The following GABRG3 variants were observed in gnomAD, a reference collection of about 807,000 sequenced individuals.
GABRG3 encodes the protein gamma-aminobutyric acid receptor subunit gamma-3.
In GABRG3, 25 loss-of-function variants were observed where a neutral mutation model predicts 48.8. That is an observed-to-expected ratio of 0.51 (90% confidence interval 0.37 to 0.72). The LOEUF is 0.72. Among genes scored for constraint, GABRG3 ranks in the 30% least tolerant of loss-of-function variants. GABRG3 has a pLI of 0.00. For synonymous variants in GABRG3, 227 were observed against 217.6 expected (o/e 1.04, Z -0.38); for missense variants, 394 against 577.9 (o/e 0.68, Z 3.26).
intron 3 of GABRG3, among the ~76,000 whole-genome samples, chr15:27,310,339 G>A (rs1164443097): frequency 6.6e-6 from 1 of 151,978 alleles, no homozygotes; most frequent in Non-Finnish European, 1.5e-5. Context: ...AAAAGTTAAT[G>A]TATGATATAA....
At chr15:27,184,709 T>A (rs1466427290) in intron 3 of GABRG3, among the ~76,000 whole-genome samples, 1 of 152,206 alleles carries the variant, frequency 6.6e-6, no homozygotes, top group Non-Finnish European at 1.5e-5. Context: ...ATGGATCCAA[T>A]TTATTTAATG....
rs183243807 is a variant in GABRG3 at position 27,401,326 on chromosome 15, T to A, written c.574+72438T>A. On this transcript the variant is annotated intron_variant, in intron 5 of 9. Transcript: ENST00000615808. ...TAATTACCATATGTATTTTATTTTA[T>A]TCCTTTAAAAACCAGGGTTCTATTG... 4.6e-3 allele frequency among the ~76,000 whole-genome samples: 701 copies of A among 152,336 alleles called. 14 individuals carry two copies. The highest frequency in any genetic ancestry group is 0.038 in the Admixed American group (575 of 15,294).
chr15:27,187,916 C>G (rs1374356245), intron 3 of GABRG3, among the ~76,000 whole-genome samples: 1 of 142,532 alleles, frequency 7.0e-6, no homozygotes, highest in Admixed American at 7.4e-5. Flanking sequence ...TGTGATGTTC[C>G]CCTTCCTGTG....
chr15:27,306,537 CATATA>C (rs1283432957), intron 3 of GABRG3, among the ~76,000 whole-genome samples: 23 of 127,158 alleles, frequency 1.8e-4, no homozygotes, highest in East Asian at 1.3e-3. Flanking sequence ...TAAACATAAA[CATATA>C]ATATAAACAT....
At chr15:27,307,066 T>G (rs1275667412) in intron 3 of GABRG3, among the ~76,000 whole-genome samples, 2 of 125,774 alleles carry the variant, frequency 1.6e-5, no homozygotes, top group African/African-American at 3.3e-5. Flanking sequence ...TAAACATGTA[T>G]AATATAAACA....
At chr15:27,201,065 T>G (rs1037036903) in intron 3 of GABRG3, among the ~76,000 whole-genome samples, 1 of 152,042 alleles carries the variant, frequency 6.6e-6, no homozygotes, top group African/African-American at 2.4e-5. Flanking sequence ...GGGAAAGAAA[T>G]AGAGCAGAAT....
At chr15:27,097,911 C>G (rs1213960391) in intron 3 of GABRG3, among the ~76,000 whole-genome samples, 1 of 149,036 alleles carries the variant, frequency 6.7e-6, no homozygotes, top group African/African-American at 2.5e-5. Flanking sequence ...TCATTATTAG[C>G]TAATTTTTTT....
At chr15:26,973,393 A>C (rs996299575) in intron 1 of GABRG3, among the ~76,000 whole-genome samples, 6 of 152,218 alleles carry the variant, frequency 3.9e-5, no homozygotes, top group African/African-American at 1.4e-4. Context: ...TCAGTTAAAA[A>C]ATCCAAATTT....
rs531934611 is a variant in GABRG3 at position 27,279,162 on chromosome 15, A to G, written c.271-47647A>G. Among the ~76,000 whole-genome samples, 145 of 152,266 alleles carry G rather than the reference A, an allele frequency of 9.5e-4. 1 individual carries two copies. The highest frequency in any genetic ancestry group is 7.5e-3 in the South Asian group (36 of 4,824). ...TATAGTTGGGTTTTGAGAGTTCCTT[A>G]TATATTCTAGATATGTGGTCTTTGT... On this transcript the variant is annotated intron_variant, in intron 3 of 9. Coordinates refer to ENST00000615808, the MANE Select transcript of GABRG3 (RefSeq NM_033223.5).
At chr15:27,214,208 C>T (rs994725775) in intron 3 of GABRG3, among the ~76,000 whole-genome samples, 1 of 152,072 alleles carries the variant, frequency 6.6e-6, no homozygotes, top group African/African-American at 2.4e-5. Flanking sequence ...TGGGGGTTGC[C>T]AGTTATCTAG....
At chr15:27,234,647 T>C (rs534190708) in intron 3 of GABRG3, among the ~76,000 whole-genome samples, 1 of 152,310 alleles carries the variant, frequency 6.6e-6, no homozygotes, top group Admixed American at 6.5e-5. Context: ...ACTAATGTGC[T>C]CTGGGATGAT....
chr15:27,013,627 C>T (rs1299406934), intron 2 of GABRG3, among the ~76,000 whole-genome samples: 1 of 151,878 alleles, frequency 6.6e-6, no homozygotes, highest in African/African-American at 2.4e-5. Flanking sequence ...AGAGACTGTC[C>T]TTTTCTCATT....
At chr15:27,018,064 G>A (rs1041805611) in intron 2 of GABRG3, among the ~76,000 whole-genome samples, 1 of 152,184 alleles carries the variant, frequency 6.6e-6, no homozygotes, top group Non-Finnish European at 1.5e-5. Flanking sequence ...ATTATGAAGG[G>A]AGTTGTTAAA....
intron 3 of GABRG3, among the ~76,000 whole-genome samples, chr15:27,250,731 G>A (rs1289952980): frequency 6.6e-6 from 1 of 152,198 alleles, no homozygotes; most frequent in Non-Finnish European, 1.5e-5. Flanking sequence ...CTAGCCTCAG[G>A]AAGCACTACT....
chr15:27,128,508 C>G (rs1442437853), intron 3 of GABRG3, among the ~76,000 whole-genome samples: 1 of 152,308 alleles, frequency 6.6e-6, no homozygotes, highest in Non-Finnish European at 1.5e-5. Context: ...TGAGCTGCAG[C>G]CAGCATGGCT....
intron 3 of GABRG3, among the ~76,000 whole-genome samples, chr15:27,258,172 G>T (rs1425056676): frequency 6.6e-6 from 1 of 152,098 alleles, no homozygotes; most frequent in Non-Finnish European, 1.5e-5. Flanking sequence ...CAGCCTAAGT[G>T]GGGAGGTGAC....
intron 5 of GABRG3, among the ~76,000 whole-genome samples, chr15:27,335,667 G>A (rs1187472828): frequency 6.6e-6 from 1 of 152,112 alleles, no homozygotes; most frequent in Non-Finnish European, 1.5e-5. Context: ...GGGGACCAGG[G>A]AGTGGGGGGA....
chr15:27,418,005 A>G (rs1021579492), intron 5 of GABRG3, among the ~76,000 whole-genome samples: 2 of 152,222 alleles, frequency 1.3e-5, no homozygotes, highest in Non-Finnish European at 2.9e-5. Context: ...GGAAAGGTCC[A>G]TCACCTGCAG....
chr15:27,488,689 G>A (rs1890275727), intron 6 of GABRG3, among the ~76,000 whole-genome samples: 1 of 152,148 alleles, frequency 6.6e-6, no homozygotes, highest in Admixed American at 6.5e-5. Context: ...CCCTTAATTT[G>A]TTTAGCAAAT....
Sources: allele counts gnomAD v4.1 joint callset (sites outside exome capture counted in the v4.1 genomes callset), GRCh38; gene constraint gnomAD v4.1.1; transcripts MANE v1.5; gene names NCBI Gene and HGNC (gene_info 2026-07-23, HGNC 2026-07-21).